The following GRM8 variants were observed in gnomAD, a reference collection of about 807,000 sequenced individuals.
GRM8 encodes metabotropic glutamate receptor 8.
In GRM8, 47 loss-of-function variants were observed where a neutral mutation model predicts 87.2. The observed-to-expected ratio is 0.54, with a 90% confidence interval of 0.43 to 0.69. The LOEUF is 0.69. Among genes scored for constraint, GRM8 ranks in the 30% least tolerant of loss-of-function variants. GRM8 has a pLI of 0.00. For missense variants in GRM8, 1,019 were observed against 1,139.2 expected, an observed-to-expected ratio of 0.89 and a Z score of 1.52; for synonymous variants, 396 against 404.5, an observed-to-expected ratio of 0.98 and a Z score of 0.25.
chr7:126,489,704 T>A (rs1807781537), intron 9 of GRM8, among the ~76,000 whole-genome samples: 1 of 152,046 alleles, frequency 6.6e-6, no homozygotes, highest in African/African-American at 2.4e-5. Context: ...TCATAATTAC[T>A]TTTATGTGTT....
intron 9 of GRM8, among the ~76,000 whole-genome samples, chr7:126,483,836 A>G (rs911868736): frequency 7.3e-6 from 1 of 136,980 alleles, no homozygotes; most frequent in Non-Finnish European, 1.5e-5. Flanking sequence ...TTTATGATCT[A>G]CTGAAGGGCT....
rs564696295 is a variant in GRM8, at chr7:126,574,958, A to G, written c.1494+34404T>C. The stretch of plus-strand genomic sequence containing the variant: ...TGACTCACAGTCTTCTGTCAGCCCT[A>G]TTGAATTCCAAGCTCTGTCTCAGAA... On this transcript the variant is annotated intron_variant, in intron 8 of 10. Transcript: ENST00000339582. Among the ~76,000 whole-genome samples, 19 of 152,232 alleles carry G rather than the reference A, an allele frequency of 1.2e-4. No individual in the cohort carries two copies. The East Asian group carries it at 2.7e-3, about 22-fold the overall frequency.
intron 2 of GRM8, among the ~76,000 whole-genome samples, chr7:127,149,926 G>C (rs993231885): frequency 6.6e-6 from 1 of 151,876 alleles, no homozygotes; most frequent in South Asian, 2.1e-4. Flanking sequence ...CAAAATAGCA[G>C]GTATGTAGAA....
At chr7:126,749,582 A>G (rs562487270) in intron 7 of GRM8, among the ~76,000 whole-genome samples, 43 of 150,434 alleles carry the variant, frequency 2.9e-4, no homozygotes, top group African/African-American at 1.0e-3. Flanking sequence ...TCATATATTT[A>G]ATTAATAAAG....
At position 127,119,726 on chromosome 7, in the gene GRM8, C is replaced by T. The variant is rs1458064769; in HGVS notation, c.511-13014G>A. 7.2e-5 allele frequency among the ~76,000 whole-genome samples: 11 copies of T among 152,188 alleles called. 2 individuals are homozygous for T. Among genetic ancestry groups the T allele is most frequent in the Admixed American group, 5.2e-4 (8 of 15,288 alleles). On this transcript the variant is annotated intron_variant, in intron 2 of 10. Coordinates refer to ENST00000339582, the MANE Select transcript of GRM8 (RefSeq NM_000845.3). The stretch of plus-strand genomic sequence containing the variant: ...AGTCTGCTTTCTGTTTGTTTGTTCT[C>T]GTTTTTCATTTCAACAAGTATTTGT...
chr7:126,732,243 T>A (rs1381663249), intron 7 of GRM8, among the ~76,000 whole-genome samples: 1 of 152,124 alleles, frequency 6.6e-6, no homozygotes, highest in Non-Finnish European at 1.5e-5. Context: ...AGATTATTAA[T>A]GATGATAAAA....
chr7:126,476,987 A>T (rs980550371), intron 9 of GRM8, among the ~76,000 whole-genome samples: 9 of 152,120 alleles, frequency 5.9e-5, no homozygotes, highest in Non-Finnish European at 1.0e-4. Context: ...GAAATAACCT[A>T]AGTATCTGTC....
At chr7:127,233,925 T>A (rs1004544257) in intron 2 of GRM8, among the ~76,000 whole-genome samples, 1 of 152,166 alleles carries the variant, frequency 6.6e-6, no homozygotes, top group African/African-American at 2.4e-5. Flanking sequence ...TACATAAAGA[T>A]TAGATGTGTA....
chr7:127,047,982 C>T (rs975225561), intron 3 of GRM8, among the ~76,000 whole-genome samples: 75 of 152,140 alleles, frequency 4.9e-4, no homozygotes, highest in African/African-American at 1.8e-3. Context: ...ATTTGCTCAA[C>T]AAACATCTAT....
chr7:127,100,206 C>T (rs1825106944), intron 3 of GRM8, among the ~76,000 whole-genome samples: 1 of 152,142 alleles, frequency 6.6e-6, no homozygotes, highest in Non-Finnish European at 1.5e-5. Flanking sequence ...AAAATGCCTC[C>T]TTTCAAGGAC....
At chr7:127,057,809 CAA>C (rs199901156) in intron 3 of GRM8, among the ~76,000 whole-genome samples, 2 of 141,402 alleles carry the variant, frequency 1.4e-5, no homozygotes, top group Admixed American at 7.1e-5. Context: ...TCATATCCCA[CAA>C]AAAAAAAAAC....
chr7:126,650,778 A>T (rs1446572512), intron 7 of GRM8, among the ~76,000 whole-genome samples: 1 of 152,002 alleles, frequency 6.6e-6, no homozygotes, highest in African/African-American at 2.4e-5. Flanking sequence ...AGGATAACCC[A>T]TTCAATGGAT....
intron 6 of GRM8, among the ~76,000 whole-genome samples, chr7:126,894,475 A>G (rs979864861): frequency 1.3e-5 from 2 of 151,840 alleles, no homozygotes; most frequent in African/African-American, 2.4e-5. Flanking sequence ...TCCTGAATTC[A>G]TTTTTTCTCT....
At chr7:126,887,337 G>T (rs1781313868) in intron 6 of GRM8, among the ~76,000 whole-genome samples, 2 of 152,068 alleles carry the variant, frequency 1.3e-5, no homozygotes, top group Non-Finnish European at 2.9e-5. Flanking sequence ...CCATGTTAAA[G>T]ATACTACTGA....
chr7:126,533,308 G>C lies in GRM8; in HGVS notation c.2074C>G (p.Pro692Ala). The part of the protein sequence containing the change: ...KSVTAPKFIS[P>A]ASQLVITFSL... Reference sequence around the variant, plus strand: ...AAGGTGATCACCAGCTGAGATGCTGGACTAATGAACTTGGGCGCTGTGACA... The same window carrying C: ...AAGGTGATCACCAGCTGAGATGCTGCACTAATGAACTTGGGCGCTGTGACA... Residue 692 changes from proline (P) to alanine (A), a missense_variant, in exon 9 of 11, where the codon CCA becomes GCA. Physicochemically the swap from Pro to Ala is conservative, Grantham distance 27. Transcript: ENST00000339582. 6.2e-7 allele frequency: 1 copy of C among 1,613,688 alleles called. No individual in the cohort carries two copies. Among genetic ancestry groups the C allele is most frequent in the Non-Finnish European group, 8.5e-7 (1 of 1,179,886 alleles).
intron 3 of GRM8, among the ~76,000 whole-genome samples, chr7:127,093,515 G>A (rs1015064771): frequency 2.6e-5 from 4 of 152,128 alleles, no homozygotes; most frequent in African/African-American, 4.8e-5. Flanking sequence ...TTAATAGCCC[G>A]TTATGCACAT....
At chr7:126,785,035 C>T (rs2151650581) in intron 6 of GRM8, among the ~76,000 whole-genome samples, 1 of 152,244 alleles carries the variant, frequency 6.6e-6, no homozygotes, top group African/African-American at 2.4e-5. Context: ...CGTTCAGCTT[C>T]TATATGAGGT....
At chr7:126,460,166 T>C (rs1202945918) in intron 9 of GRM8, among the ~76,000 whole-genome samples, 2 of 151,570 alleles carry the variant, frequency 1.3e-5, no homozygotes, top group African/African-American at 4.8e-5. Flanking sequence ...TTGGTCACTA[T>C]CATGTCTGAT....
At chr7:126,592,793 G>C (rs931470299) in intron 8 of GRM8, among the ~76,000 whole-genome samples, 12 of 151,816 alleles carry the variant, frequency 7.9e-5, no homozygotes, top group African/African-American at 2.9e-4. Context: ...GTACATACTG[G>C]AGGTCATAGT....
Sources: gnomAD v4.1 joint callset for allele counts (sites outside exome capture counted in the v4.1 genomes callset) on GRCh38, gnomAD v4.1.1 for gene constraint, MANE v1.5 for transcripts, NCBI Gene and HGNC (gene_info 2026-07-23, HGNC 2026-07-21) for gene names.